Variants in MYPN observed in about 807,000 individuals in gnomAD.
MYPN encodes the protein myopalladin.
In MYPN, 63 loss-of-function variants were observed where a neutral mutation model predicts 129.4. That is an observed-to-expected ratio of 0.49 (90% CI 0.40 to 0.60). The LOEUF is 0.60. Among genes scored for constraint, MYPN ranks in the 20% least tolerant of loss-of-function variants. MYPN has a pLI of 0.00. For synonymous variants in MYPN, 629 were observed against 600.9 expected (o/e 1.05, Z -0.68); for missense variants, 1,596 against 1,635.4 (o/e 0.98, Z 0.42).
At chr10:68,203,803 T>C (rs1417457681) in intron 18 of MYPN, among the ~76,000 whole-genome samples, 1 of 151,466 alleles carries the variant, frequency 6.6e-6, no homozygotes, top group Admixed American at 6.6e-5. Flanking sequence ...CATCATAAAT[T>C]GAGGAGCATG....
chr10:68,098,705 T>A (rs563384510), intron 1 of MYPN, among the ~76,000 whole-genome samples: 1 of 152,086 alleles, frequency 6.6e-6, no homozygotes, highest in African/African-American at 2.4e-5. Flanking sequence ...TAGCCCGGTG[T>A]GGTGGCAGGC....
chr10:68,135,969 G>T (rs547090403), intron 2 of MYPN, among the ~76,000 whole-genome samples: 4 of 152,222 alleles, frequency 2.6e-5, no homozygotes, highest in African/African-American at 7.2e-5. Context: ...AAGGGCTGGG[G>T]CATGGTTAAA....
rs771244331 is a variant in MYPN at position 68,158,633 on chromosome 10, T to C, written c.1459+6T>C. 1.3e-6 allele frequency: 2 copies of C among 1,541,048 alleles called. No homozygotes were observed. Among genetic ancestry groups the C allele is most frequent in the Non-Finnish European group, 1.8e-6 (2 of 1,115,996 alleles). On this transcript the variant is annotated splice_donor_region_variant and intron_variant, in intron 7 of 19. Coordinates refer to ENST00000358913, the MANE Select transcript of MYPN (RefSeq NM_032578.4). ...TTTTAGGATTTTACAGAAAAGTAAG[T>C]TAATACTTTAAATTATTTTCTGATA... is the stretch of plus-strand genomic sequence containing the variant.
intron 2 of MYPN, among the ~76,000 whole-genome samples, chr10:68,133,818 A>G (rs2042446014): frequency 6.6e-6 from 1 of 150,974 alleles, no homozygotes; most frequent in Non-Finnish European, 1.5e-5. Context: ...CTGGACAAGC[A>G]GGGCAGCATC....
chr10:68,211,951 G>A lies in MYPN; in HGVS notation c.*1496G>A, dbSNP rs1194242506. 3.2e-5 allele frequency: 12 copies of A among 371,062 alleles called. No individual in the cohort carries two copies. Among genetic ancestry groups the A allele is most frequent in the Middle Eastern group, 9.3e-4 (1 of 1,078 alleles). 23.0% of individuals were successfully genotyped at this position (371,062 alleles called of 1,614,324 possible). A position where few individuals can be genotyped will look rare whatever the true frequency, so the allele number is the denominator to read the frequency against. ...GAACAGACAGTAACTGCTTAGAAAG[G>A]CTTGAAACTGTCTTCACTTCAAGGC... is the stretch of plus-strand genomic sequence containing the variant. On this transcript the variant is annotated 3_prime_UTR_variant, in exon 20 of 20. Coordinates refer to ENST00000358913, the MANE Select transcript of MYPN (RefSeq NM_032578.4).
At chr10:68,148,724 G>T (rs1421692228) in intron 5 of MYPN, among the ~76,000 whole-genome samples, 3 of 152,172 alleles carry the variant, frequency 2.0e-5, no homozygotes, top group Non-Finnish European at 4.4e-5. Context: ...TATAAAGGGT[G>T]CTGATTACAT....
chr10:68,097,689 G>T (rs1335600122), intron 1 of MYPN, among the ~76,000 whole-genome samples: 2 of 151,692 alleles, frequency 1.3e-5, no homozygotes, highest in Non-Finnish European at 2.9e-5. Context: ...GGCGGAGTTG[G>T]AATACAGCTC....
At chr10:68,154,638 G>C (rs1003679218) in intron 6 of MYPN, among the ~76,000 whole-genome samples, 1 of 152,182 alleles carries the variant, frequency 6.6e-6, no homozygotes, top group African/African-American at 2.4e-5. Context: ...CTAAAGCACT[G>C]TGCACTTGCA....
intron 18 of MYPN, among the ~76,000 whole-genome samples, chr10:68,202,782 C>T (rs376288001): frequency 1.1e-4 from 17 of 151,120 alleles, no homozygotes; most frequent in African/African-American, 1.7e-4. Context: ...CCACAGTAAA[C>T]GGAAATTGCC....
At chr10:68,203,710 CAT>C (rs200051052) in intron 18 of MYPN, among the ~76,000 whole-genome samples, 20,297 of 66,480 alleles carry the variant, frequency 0.31, 1,660 homozygotes, top group Admixed American at 0.4. Flanking sequence ...CACACACACA[CAT>C]ACACACACAG....
intron 1 of MYPN, among the ~76,000 whole-genome samples, chr10:68,113,672 G>A (rs2042112230): frequency 6.6e-6 from 1 of 151,166 alleles, no homozygotes; most frequent in South Asian, 2.1e-4. Flanking sequence ...ACCCCAGCCT[G>A]GGTGACAGAG....
intron 10 of MYPN, among the ~76,000 whole-genome samples, chr10:68,168,020 C>T (rs927582427): frequency 1.3e-5 from 2 of 152,182 alleles, no homozygotes; most frequent in Non-Finnish European, 2.9e-5. Flanking sequence ...GCGGCTGGTT[C>T]GCCCTCTGTC....
chr10:68,125,503 C>A (rs1200341788), intron 2 of MYPN, among the ~76,000 whole-genome samples: 3 of 152,100 alleles, frequency 2.0e-5, no homozygotes, highest in Non-Finnish European at 4.4e-5. Flanking sequence ...AATCAGAAAG[C>A]AAATATGTAT....
At position 68,121,931 on chromosome 10, in the gene MYPN, T is replaced by C; in HGVS notation, c.493T>C (p.Phe165Leu). 1 of 1,614,160 alleles carries C rather than the reference T, an allele frequency of 6.2e-7. No individual in the cohort carries two copies. Among genetic ancestry groups the C allele is most frequent in the Non-Finnish European group, 8.5e-7 (1 of 1,180,040 alleles). ...CTTCATTGAAGAGCTATCCTCCCTT[T>C]TCAAATCCCACAGCTCCAAAAGGAT... ...ADFIEELSSL[F>L]KSHSSKRIRP... The change falls in exon 2 of 20, where the codon TTC becomes CTC. Residue 165 changes from phenylalanine to leucine, a missense_variant. Physicochemically the swap from Phe to Leu is conservative, Grantham distance 22. Coordinates refer to ENST00000358913, the MANE Select transcript of MYPN (RefSeq NM_032578.4).
At chr10:68,195,104 G>A (rs1246789125) in intron 14 of MYPN, among the ~76,000 whole-genome samples, 1 of 152,184 alleles carries the variant, frequency 6.6e-6, no homozygotes, top group African/African-American at 2.4e-5. Flanking sequence ...TGAAATGTTA[G>A]TTTTGAAGAA....
intron 1 of MYPN, among the ~76,000 whole-genome samples, chr10:68,119,378 CATTTT>C (rs1039536250): frequency 7.1e-6 from 1 of 140,764 alleles, no homozygotes; most frequent in Non-Finnish European, 1.5e-5. Flanking sequence ...AACACCTTTG[CATTTT>C]ATTTTATTTA....
chr10:68,185,034 C>T (rs578110930), intron 12 of MYPN, among the ~76,000 whole-genome samples: 11 of 151,810 alleles, frequency 7.2e-5, no homozygotes, highest in Non-Finnish European at 1.2e-4. Flanking sequence ...TCCGGCCGGG[C>T]GTGCTCAAGC....
rs1353113411 is a variant in MYPN at position 68,109,607 on chromosome 10, C to T, written c.-118C>T. 6.6e-6 allele frequency: 3 copies of T among 454,036 alleles called. No homozygotes were observed. The highest frequency in any genetic ancestry group is 3.1e-5 in the South Asian group (2 of 64,474). 28.1% of individuals were successfully genotyped at this position (454,036 alleles called of 1,614,324 possible). A position where few individuals can be genotyped will look rare whatever the true frequency, so the allele number is the denominator to read the frequency against. ...GACGGCTACTCTCTATTTCCAAGGG[C>T]GTGAAGAATTTCCCTCTTCTCCTGT... On this transcript the variant is annotated 5_prime_UTR_variant, in exon 1 of 20. Coordinates refer to ENST00000358913, the MANE Select transcript of MYPN (RefSeq NM_032578.4).
chr10:68,144,724 C>T (rs184945830), intron 3 of MYPN, among the ~76,000 whole-genome samples: 9 of 152,096 alleles, frequency 5.9e-5, no homozygotes, highest in Non-Finnish European at 8.8e-5. Context: ...TAGGACTGGA[C>T]GGAAGAGCAT....
Sources: gnomAD v4.1 joint callset for allele counts (sites outside exome capture counted in the v4.1 genomes callset) on GRCh38, gnomAD v4.1.1 for gene constraint, MANE v1.5 for transcripts, NCBI Gene and HGNC (gene_info 2026-07-23, HGNC 2026-07-21) for gene names.